Variants in RANBP3 observed in about 807,000 individuals in gnomAD.
The protein encoded by RANBP3 is ran-binding protein 3.
A neutral mutation model predicts 77.3 loss-of-function variants in RANBP3; 14 were observed. The observed-to-expected ratio is 0.18, with a 90% confidence interval of 0.12 to 0.28. The LOEUF is 0.28. RANBP3 is among the 10% of genes least tolerant of loss of function. The pLI is 1.00. For synonymous variants in RANBP3, 315 were observed against 312.4 expected (o/e 1.01, Z -0.09); for missense variants, 586 against 752.3 (o/e 0.78, Z 2.59).
chr19:5,924,881 G>T lies in RANBP3; in HGVS notation c.942C>A (p.Ala314=), dbSNP rs568912710. The change falls in exon 11 of 17, where the codon GCC becomes GCA. Residue 314 remains alanine, a synonymous_variant. Coordinates refer to ENST00000340578, the MANE Select transcript of RANBP3 (RefSeq NM_007322.3). The surrounding 1 kb of genome is among the most constrained non-coding windows in gnomAD (Gnocchi z 4.7). ...SSSLENSTNS[A]DASSNKFVFG... ...ATACAAATTTGTTGCTGGAGGCGTCGGCACTATTGGTTGAGTTCTCTAAAC... is the reference window on the plus strand; with the variant it reads ...ATACAAATTTGTTGCTGGAGGCGTCTGCACTATTGGTTGAGTTCTCTAAAC... 1.2e-6 allele frequency: 2 copies of T among 1,614,110 alleles called. No homozygotes were observed. Among genetic ancestry groups the T allele is most frequent in the Admixed American group, 1.7e-5 (1 of 60,024 alleles).
chr19:5,968,243 C>T (rs956178594), intron 1 of RANBP3, among the ~76,000 whole-genome samples: 4 of 152,186 alleles, frequency 2.6e-5, no homozygotes, highest in Non-Finnish European at 4.4e-5. Flanking sequence ...AGAATTTATG[C>T]TGAGGCAGCA....
At chr19:5,955,896 G>A (rs1448533090) in intron 2 of RANBP3, among the ~76,000 whole-genome samples, 2 of 152,134 alleles carry the variant, frequency 1.3e-5, no homozygotes, top group African/African-American at 4.8e-5. Flanking sequence ...AAAGCCATAA[G>A]TTCGAGACCA....
intron 1 of RANBP3, among the ~76,000 whole-genome samples, chr19:5,971,503 T>C (rs2058530074): frequency 6.6e-6 from 1 of 152,192 alleles, no homozygotes; most frequent in South Asian, 2.1e-4. Flanking sequence ...TCTGTTGGCA[T>C]ATCACACATC....
chr19:5,926,395 C>T (rs1458954576), intron 9 of RANBP3, among the ~76,000 whole-genome samples: 4 of 152,020 alleles, frequency 2.6e-5, no homozygotes. Flanking sequence ...ACTAAAAATA[C>T]AAAAAATTAG....
chr19:5,977,570 G>C (rs763013615), intron 1 of RANBP3, among the ~76,000 whole-genome samples: 1 of 152,114 alleles, frequency 6.6e-6, no homozygotes, highest in Non-Finnish European at 1.5e-5. Context: ...CTCCGTCCGC[G>C]GTGTGCGGCT....
In RANBP3 at chr19:5,917,706, T is replaced by C; in HGVS notation, c.1661-53A>G. On this transcript the variant is annotated intron_variant, in intron 16 of 16. Transcript: ENST00000340578. Reference sequence around the variant, plus strand: ...GGATGGAGCCCGCACTTCCCAGGTCTGGCCACCCCCGCCAGGAGATCAGCA... The same window carrying C: ...GGATGGAGCCCGCACTTCCCAGGTCCGGCCACCCCCGCCAGGAGATCAGCA... 3.1e-6 allele frequency: 5 copies of C among 1,592,086 alleles called. No homozygotes were observed. The South Asian group carries it at 4.5e-5, about 14-fold the overall frequency.
intron 11 of RANBP3, 85 bp from the exon 12 acceptor site, chr19:5,923,999 C>T: frequency 9.7e-7 from 1 of 1,032,212 alleles, no homozygotes; most frequent in Admixed American, 1.9e-5. Flanking sequence ...GCCTGGCCCC[C>T]AACACTACGC....
Position 5,925,647 on chromosome 19 carries a change from A to G in RANBP3, c.904T>C (p.Tyr302His), listed in dbSNP as rs760791988. 6.2e-7 allele frequency: 1 copy of G among 1,613,788 alleles called. No homozygotes were observed. Among genetic ancestry groups the G allele is most frequent in the Non-Finnish European group, 8.5e-7 (1 of 1,179,892 alleles). The change falls in exon 10 of 17, where the codon TAT becomes CAT. Residue 302 changes from tyrosine to histidine, a missense_variant. By Grantham distance (83) the Tyr-to-His change is moderately conservative. Transcript: ENST00000340578. The part of the protein sequence containing the change: ...TPTATNYFLQ[Y>H]ISSSLENSTN... ...CGAGACACACACCTGGAACTGATAT[A>G]CTGGAGGAAATAGTTCGTTGCGGTT...
intron 8 of RANBP3, among the ~76,000 whole-genome samples, chr19:5,930,727 C>T (rs2057977869): frequency 6.6e-6 from 1 of 152,126 alleles, no homozygotes; most frequent in African/African-American, 2.4e-5. Flanking sequence ...TGCTACCATG[C>T]CTGGCTAATC....
Position 5,917,496 on chromosome 19 carries a change from T to G in RANBP3, c.*114A>C, listed in dbSNP as rs1599710587. The G allele has an allele frequency of 8.4e-7, 1 of 1,190,812 alleles. No individual in the cohort carries two copies. The highest frequency in any genetic ancestry group is 1.1e-6 in the Non-Finnish European group (1 of 878,488). The allele number at this position is 1,190,812 out of a possible 1,614,324, so 73.8% of individuals were successfully genotyped here. ...CGGGTCCAGACTGTGGCCGGCCCAG[T>G]GGGGTGTGTGGTTCCCGGCCCCGCA... On this transcript the variant is annotated 3_prime_UTR_variant, in exon 17 of 17. Transcript: ENST00000340578.
In RANBP3 at chr19:5,921,397, T is replaced by G. The variant is rs895448070; in HGVS notation, c.1210-76A>C. The G allele has an allele frequency of 1.5e-5, 24 of 1,575,006 alleles. No individual in the cohort carries two copies. In the African/African-American group the frequency reaches 2.8e-4, roughly 19 times the overall value. ...GCAGCCACACCCTGAGAGTCGCCCT[T>G]TAGCCTGTGGGGACTGCCAGGGCCA... On this transcript the variant is annotated intron_variant, in intron 13 of 16. Coordinates refer to ENST00000340578, the MANE Select transcript of RANBP3 (RefSeq NM_007322.3). The surrounding 1 kb of genome is among the most constrained non-coding windows in gnomAD (Gnocchi z 5.3).
Position 5,917,823 on chromosome 19 carries a change from A to C in RANBP3, c.1631T>G (p.Val544Gly). The stretch of plus-strand genomic sequence containing the variant: ...TGCGGTGGCCCCTGAAGGAGCCAGG[A>C]CATCGTCATCGTCGCTGTCGTCCTC... ...NEEDDSDDDD[V>G]LAPSGATAAG... is the part of the protein sequence containing the mutation. The change falls in exon 16 of 17, where the codon GTC becomes GGC. Residue 544 changes from valine (V) to glycine (G), a missense_variant. By Grantham distance (109) the Val-to-Gly change is moderately radical. Coordinates refer to ENST00000340578, the MANE Select transcript of RANBP3 (RefSeq NM_007322.3). 1 of 1,612,150 alleles carries C rather than the reference A, an allele frequency of 6.2e-7. No individual in the cohort carries two copies. The highest frequency in any genetic ancestry group is 2.2e-5 in the East Asian group (1 of 44,870).
chr19:5,925,056 C>T, intron 10 of RANBP3, 151 bp from the exon 11 acceptor site: 1 of 730,912 alleles, frequency 1.4e-6, no homozygotes, highest in East Asian at 2.5e-5. Flanking sequence ...AGGCAGGAAG[C>T]CACACACCTC....
chr19:5,924,453 G>A lies in RANBP3; in HGVS notation c.996+374C>T, dbSNP rs1358850764. Among the ~76,000 whole-genome samples the A allele has an allele frequency of 6.6e-6, 1 of 152,268 alleles. No homozygotes were observed. Among genetic ancestry groups the A allele is most frequent in the Non-Finnish European group, 1.5e-5 (1 of 68,048 alleles). ...GCGGTTATGCTCACAGGAGCAGGGA[G>A]GCCAGCAACCCTGTCCACCAGCACG... On this transcript the variant is annotated intron_variant, in intron 11 of 16. Transcript: ENST00000340578. The surrounding 1 kb of genome is among the most constrained non-coding windows in gnomAD (Gnocchi z 4.7).
At chr19:5,972,586 C>G (rs755133870) in intron 1 of RANBP3, among the ~76,000 whole-genome samples, 6 of 152,228 alleles carry the variant, frequency 3.9e-5, no homozygotes, top group Non-Finnish European at 7.3e-5. Flanking sequence ...CAAGCCAATA[C>G]CAGCCATCTC....
intron 1 of RANBP3, chr19:5,962,767 A>G: frequency 2.2e-6 from 1 of 456,020 alleles, no homozygotes; most frequent in South Asian, 1.5e-5. Flanking sequence ...CCAAAGGTTG[A>G]TCAACTGCAA....
chr19:5,945,784 C>T (rs2058196284), intron 3 of RANBP3, among the ~76,000 whole-genome samples: 1 of 152,044 alleles, frequency 6.6e-6, no homozygotes, highest in South Asian at 2.1e-4. Context: ...AGCAGCATGT[C>T]CAGGTCAAGA....
rs2057859203 is a variant in RANBP3 at position 5,923,672 on chromosome 19, C to T, written c.1099+140G>A. The T allele has an allele frequency of 4.5e-6, 3 of 661,754 alleles. No homozygotes were observed. In the African/African-American group the frequency reaches 5.4e-5, roughly 12 times the overall value. The allele number at this position is 661,754 out of a possible 1,614,324, so 41.0% of individuals were successfully genotyped here. On this transcript the variant is annotated intron_variant, in intron 12 of 16. Coordinates refer to ENST00000340578, the MANE Select transcript of RANBP3 (RefSeq NM_007322.3). ...AACCCTTGCTCACTGCAAGGCAGGG[C>T]CCTGGAGCTGGTTCACATGTGGTTG...
chr19:5,947,313 C>CA (rs74173074), intron 3 of RANBP3, among the ~76,000 whole-genome samples: 16,042 of 77,410 alleles, frequency 0.21, 1,126 homozygotes, highest in African/African-American at 0.29. Context: ...GACTCTGTCT[C>CA]AAAAAAAAAA....
Sources: gnomAD v4.1 joint callset for allele counts (sites outside exome capture counted in the v4.1 genomes callset) on GRCh38, gnomAD v4.1.1 for gene constraint, Gnocchi (gnomAD v3.1) non-coding constraint, MANE v1.5 for transcripts, NCBI Gene and HGNC (gene_info 2026-07-23, HGNC 2026-07-21) for gene names.